PI4KA: variants seen among roughly 807,000 people sequenced by gnomAD.
PI4KA encodes PI4-kinase alpha.
PI4KA carries 122 observed loss-of-function variants against 271.4 expected under a neutral mutation model. That is an observed-to-expected ratio of 0.45 (90% CI 0.39 to 0.52). The LOEUF (loss-of-function observed/expected upper bound fraction) is 0.52, where lower values mean the gene tolerates loss of function less well. Ranked by LOEUF, PI4KA falls within the 20% of genes least tolerant of loss-of-function variation. The pLI is 0.00. For synonymous variants in PI4KA, 1,041 were observed against 1,078.8 expected (o/e 0.96, Z 0.69); for missense variants, 1,969 against 2,769.1 (o/e 0.71, Z 6.48).
rs548325045 is a variant in PI4KA, at chr22:20,806,500, T to C, written c.1168+862A>G. 3.9e-5 allele frequency among the ~76,000 whole-genome samples: 6 copies of C among 152,006 alleles called. No homozygotes were observed. In the East Asian group the frequency reaches 9.9e-4, roughly 25 times the overall value. ...GCCTGGCCAACATGGTAAAACCCCA[T>C]CTCTACTAAAAATACAAAAATTAGG... On this transcript the variant is annotated intron_variant, in intron 10 of 54. Transcript: ENST00000255882.
chr22:20,721,504 G>C, intron 42 of PI4KA, 86 bp from the exon 43 acceptor site: 2 of 1,452,858 alleles, frequency 1.4e-6, no homozygotes, highest in South Asian at 2.3e-5. Context: ...CCCGGCATTT[G>C]GTAGACCAGG....
chr22:20,725,606 G>A (rs1406515868), intron 42 of PI4KA: 16 of 442,076 alleles, frequency 3.6e-5, no homozygotes, highest in Non-Finnish European at 6.0e-5. Context: ...CTATCAATAA[G>A]CCAGGGAGAT....
chr22:20,781,313 C>G (rs541797816), intron 19 of PI4KA, among the ~76,000 whole-genome samples: 1 of 152,182 alleles, frequency 6.6e-6, no homozygotes, highest in Admixed American at 6.5e-5. Context: ...AGGGGAAACA[C>G]GAGGAATGGT....
chr22:20,845,984 G>C (rs538699307), intron 1 of PI4KA, among the ~76,000 whole-genome samples: 1 of 152,274 alleles, frequency 6.6e-6, no homozygotes, highest in South Asian at 2.1e-4. Context: ...TCAGCCGGGC[G>C]CTGTGGCTCA....
chr22:20,798,343 CA>C, intron 17 of PI4KA: 1 of 488,528 alleles, frequency 2.0e-6, no homozygotes, highest in East Asian at 3.7e-5. Flanking sequence ...GCTGCATGTG[CA>C]GCATGGGCCC....
rs1935515132 is a variant in PI4KA, at chr22:20,804,393, T to G, written c.1368A>C (p.Glu456Asp). 1 of 1,612,426 alleles carries G rather than the reference T, an allele frequency of 6.2e-7. No homozygotes were observed. The highest frequency in any genetic ancestry group is 8.5e-7 in the Non-Finnish European group (1 of 1,178,578). Residue 456 changes from glutamate (E) to aspartate (D), a missense_variant, in exon 12 of 55, where the codon GAA (glutamate) becomes GAC (aspartate). By Grantham distance (45) the Glu-to-Asp change is conservative (BLOSUM62 2). Around this residue, in one of 13 missense-constraint regions of PI4KA, gnomAD observed 14 missense variants for 34.0 expected, o/e 0.41. Coordinates refer to ENST00000255882, the MANE Select transcript of PI4KA (RefSeq NM_058004.4). ...VWAVKDEQGAENLCIKLSEKL... is the reference protein window; with the variant it reads ...VWAVKDEQGADNLCIKLSEKL... Reference sequence around the variant, plus strand: ...TCTCAGATAGCTTGATGCAAAGGTTTTCTGCACCTTAATTCAAAACCAGAA... The same window carrying G: ...TCTCAGATAGCTTGATGCAAAGGTTGTCTGCACCTTAATTCAAAACCAGAA...
chr22:20,757,169 G>T (rs113729527), intron 23 of PI4KA, among the ~76,000 whole-genome samples: 210 of 152,266 alleles, frequency 1.4e-3, no homozygotes, highest in African/African-American at 4.7e-3. Flanking sequence ...CCTCCTGGTA[G>T]GTTCTGAAAA....
At chr22:20,810,647 G>A (rs1377506585) in intron 9 of PI4KA, among the ~76,000 whole-genome samples, 1 of 152,148 alleles carries the variant, frequency 6.6e-6, no homozygotes, top group African/African-American at 2.4e-5. Flanking sequence ...TAAAAGAGTA[G>A]GAGAGACCCA....
intron 17 of PI4KA, among the ~76,000 whole-genome samples, chr22:20,797,223 G>A (rs769677402): frequency 2.5e-4 from 38 of 152,166 alleles, no homozygotes; most frequent in Admixed American, 1.6e-3. Flanking sequence ...TGAGGAAGAC[G>A]ACAAATCATT....
chr22:20,824,025 C>T (rs1161434526), intron 4 of PI4KA, among the ~76,000 whole-genome samples: 1 of 151,714 alleles, frequency 6.6e-6, no homozygotes, highest in African/African-American at 2.4e-5. Flanking sequence ...CTTTTTCTGC[C>T]GCCTACCTTA....
At chr22:20,771,084 A>G (rs900526182) in intron 19 of PI4KA, among the ~76,000 whole-genome samples, 2 of 152,114 alleles carry the variant, frequency 1.3e-5, no homozygotes, top group African/African-American at 4.8e-5. Context: ...TGAAACTGCA[A>G]AAGAACAATG....
rs145512983 is a variant in PI4KA at position 20,802,519 on chromosome 22, G to A, written c.1592-414C>T. On this transcript the variant is annotated intron_variant, in intron 13 of 54. Coordinates refer to ENST00000255882, the MANE Select transcript of PI4KA (RefSeq NM_058004.4). ...AGCCTGAGAGAACCCTCCCCACTAC[G>A]GGGTTCAGGGAAGTCTTGTTTTTTG... 4.4e-3 allele frequency among the ~76,000 whole-genome samples: 667 copies of A among 152,256 alleles called. 4 individuals are homozygous for A. The highest frequency in any genetic ancestry group is 6.8e-3 in the Non-Finnish European group (462 of 68,028).
At chr22:20,802,571 T>G (rs1432290196) in intron 13 of PI4KA, among the ~76,000 whole-genome samples, 1 of 152,194 alleles carries the variant, frequency 6.6e-6, no homozygotes, top group Non-Finnish European at 1.5e-5. Context: ...GGTCTTGCTC[T>G]GTCACCCAGG....
intron 19 of PI4KA, among the ~76,000 whole-genome samples, chr22:20,782,019 A>G (rs986645801): frequency 6.6e-5 from 10 of 152,240 alleles, no homozygotes; most frequent in South Asian, 4.1e-4. Context: ...GTACAATATG[A>G]TAAACATATG....
In PI4KA at chr22:20,734,569, G is replaced by C. The variant is rs766326799; in HGVS notation, c.3742-16C>G. 2.0e-5 allele frequency: 33 copies of C among 1,613,664 alleles called. No homozygotes were observed. Among genetic ancestry groups the C allele is most frequent in the Non-Finnish European group, 2.0e-5 (24 of 1,179,786 alleles). ...CCCGCATGAACTACAGGTACAGAAGGAATGTTAGCTCCTCTGTGAAACACA... is the reference window on the plus strand; with the variant it reads ...CCCGCATGAACTACAGGTACAGAAGCAATGTTAGCTCCTCTGTGAAACACA... On this transcript the variant is annotated splice_polypyrimidine_tract_variant and intron_variant, in intron 32 of 54. Coordinates refer to ENST00000255882, the MANE Select transcript of PI4KA (RefSeq NM_058004.4).
At position 20,721,289 on chromosome 22, in the gene PI4KA, A is replaced by G. The variant is rs1194427184; in HGVS notation, c.5116+9T>C. 2 of 1,613,744 alleles carry G rather than the reference A, an allele frequency of 1.2e-6. No homozygotes were observed. Among genetic ancestry groups the G allele is most frequent in the Non-Finnish European group, 8.5e-7 (1 of 1,179,898 alleles). On this transcript the variant is annotated intron_variant, in intron 43 of 54. Coordinates refer to ENST00000255882, the MANE Select transcript of PI4KA (RefSeq NM_058004.4). Reference sequence around the variant, plus strand: ...GTAAGTGAGGCCTGTGGGAGGACAAAATACTCACGGTCTTTCTGGTGGCCC... The same window carrying G: ...GTAAGTGAGGCCTGTGGGAGGACAAGATACTCACGGTCTTTCTGGTGGCCC...
At position 20,707,886 on chromosome 22, in the gene PI4KA, C is replaced by A; in HGVS notation, c.*161G>T. On this transcript the variant is annotated 3_prime_UTR_variant, in exon 55 of 55. Transcript: ENST00000255882. ...GCTGCAGTCCATGGCGTTACCAAGGCTGCGCCACCCACGTGCTGCCCCAGG... is the reference window on the plus strand; with the variant it reads ...GCTGCAGTCCATGGCGTTACCAAGGATGCGCCACCCACGTGCTGCCCCAGG... 1 of 755,246 alleles carries A rather than the reference C, an allele frequency of 1.3e-6. No homozygotes were observed. Among genetic ancestry groups the A allele is most frequent in the South Asian group, 1.4e-5 (1 of 69,700 alleles). 46.8% of individuals were successfully genotyped at this position (755,246 alleles called of 1,614,324 possible).
rs61752244 is a variant in PI4KA, at chr22:20,764,860, T to C, written c.2665A>G (p.Met889Val). ...TACACAGAGAGGAGGTAGGTGGACA[T>C]GGCGAAGTCCAGCTTGTTGATGAGT... is the stretch of plus-strand genomic sequence containing the variant. ...SALINKLDFAMSTYLLSVYRL... is the reference protein window; with the variant it reads ...SALINKLDFAVSTYLLSVYRL... Residue 889 changes from methionine (M) to valine (V), a missense_variant, in exon 22 of 55, where the codon ATG (methionine) becomes GTG (valine). Physicochemically the swap from Met to Val is conservative, Grantham distance 21. This residue lies in a region of PI4KA where 368 missense variants were observed against 544.3 expected (regional missense o/e 0.68). Transcript: ENST00000255882. 2,523 of 1,613,632 alleles carry C rather than the reference T, an allele frequency of 1.6e-3. 3 individuals carry two copies. The highest frequency in any genetic ancestry group is 1.9e-3 in the Non-Finnish European group (2,274 of 1,179,764).
At chr22:20,746,734 C>T (rs1485951591) in intron 29 of PI4KA, among the ~76,000 whole-genome samples, 2 of 152,234 alleles carry the variant, frequency 1.3e-5, no homozygotes, top group African/African-American at 4.8e-5. Flanking sequence ...CCCAGCTCAA[C>T]CATGTCTGCT....
Sources: gnomAD v4.1 joint callset for allele counts (sites outside exome capture counted in the v4.1 genomes callset) on GRCh38, gnomAD v4.1.1 for gene constraint, gnomAD v4.1.1 regional missense constraint, MANE v1.5 for transcripts, NCBI Gene and HGNC (gene_info 2026-07-23, HGNC 2026-07-21) for gene names.